DIAPH3: variants seen among roughly 807,000 people sequenced by gnomAD.
DIAPH3 encodes the protein diaphanous related formin 3, also known as protein diaphanous homolog 3.
In DIAPH3, 117 loss-of-function variants were observed where a neutral mutation model predicts 144.3. The observed-to-expected ratio is 0.81, with a 90% CI of 0.70 to 0.95. DIAPH3 has a LOEUF of 0.95. DIAPH3 is among the 40% of genes least tolerant of loss of function. The probability of loss-of-function intolerance (pLI) is 0.00; values close to 1 mark genes in which losing one functional copy is unlikely to be tolerated. For synonymous variants in DIAPH3, 519 were observed against 488.9 expected, an observed-to-expected ratio of 1.06 and a Z score of -0.81; for missense variants, 1,421 against 1,412.7, an observed-to-expected ratio of 1.01 and a Z score of -0.09.
chr13:59,861,037 G>C (rs1566428141), intron 22 of DIAPH3, among the ~76,000 whole-genome samples: 1 of 152,118 alleles, frequency 6.6e-6, no homozygotes. Context: ...CTGATTGCTG[G>C]TTCTGGTATC....
intron 5 of DIAPH3, 123 bp from the exon 6 acceptor site, chr13:60,016,268 A>G (rs9570246): frequency 1.2e-6 from 1 of 866,914 alleles, no homozygotes; most frequent in South Asian, 1.6e-5. Flanking sequence ...TAAGAATAAC[A>G]CCATATATAA....
intron 5 of DIAPH3, among the ~76,000 whole-genome samples, chr13:60,035,320 A>T (rs79107167): frequency 0.037 from 5,576 of 152,232 alleles, 133 homozygotes; most frequent in East Asian, 0.074. Context: ...TATTTATACA[A>T]CATTTTGCTA....
At chr13:60,080,151 AG>A (rs1405981226) in intron 4 of DIAPH3, among the ~76,000 whole-genome samples, 2 of 151,962 alleles carry the variant, frequency 1.3e-5, no homozygotes, top group Admixed American at 6.6e-5. Context: ...TTTACCATCT[AG>A]AAAAAATATA....
intron 21 of DIAPH3, among the ~76,000 whole-genome samples, chr13:59,878,787 G>T (rs887587320): frequency 2.0e-5 from 3 of 151,868 alleles, no homozygotes; most frequent in Admixed American, 1.3e-4. Flanking sequence ...TATATAAAGG[G>T]GTCCCATTTT....
At chr13:59,709,140 T>C (rs896665753) in intron 27 of DIAPH3, among the ~76,000 whole-genome samples, 2 of 152,226 alleles carry the variant, frequency 1.3e-5, no homozygotes, top group African/African-American at 4.8e-5. Context: ...TTGTATTCTT[T>C]CAGATGAATA....
intron 25 of DIAPH3, among the ~76,000 whole-genome samples, chr13:59,806,251 G>A (rs2040185857): frequency 1.3e-5 from 2 of 151,926 alleles, no homozygotes; most frequent in Non-Finnish European, 2.9e-5. Context: ...TTCTTTTAAG[G>A]CTGAGAAAGT....
intron 22 of DIAPH3, among the ~76,000 whole-genome samples, chr13:59,854,769 T>C (rs1036965319): frequency 3.3e-5 from 5 of 152,218 alleles, no homozygotes; most frequent in African/African-American, 1.2e-4. Flanking sequence ...CTGACAGAAC[T>C]GCTCAAGTAG....
At chr13:59,691,527 C>A (rs2033522386) in intron 27 of DIAPH3, among the ~76,000 whole-genome samples, 1 of 152,066 alleles carries the variant, frequency 6.6e-6, no homozygotes, top group Non-Finnish European at 1.5e-5. Context: ...TTTATATCAG[C>A]AAAATTATAA....
chr13:59,875,999 A>T (rs1263619846), intron 21 of DIAPH3, among the ~76,000 whole-genome samples: 1 of 152,176 alleles, frequency 6.6e-6, no homozygotes. Flanking sequence ...AATTTTCATG[A>T]ATTTTTCATA....
At chr13:60,081,114 G>C (rs1406466124) in intron 4 of DIAPH3, among the ~76,000 whole-genome samples, 1 of 151,814 alleles carries the variant, frequency 6.6e-6, no homozygotes, top group Non-Finnish European at 1.5e-5. Context: ...CTAATTTATA[G>C]ACATATACAA....
chr13:59,786,770 G>A (rs1027755140), intron 25 of DIAPH3, among the ~76,000 whole-genome samples: 1 of 152,164 alleles, frequency 6.6e-6, no homozygotes, highest in African/African-American at 2.4e-5. Context: ...TTTAGGGAGA[G>A]GGGGTAGAGA....
At chr13:60,118,144 C>A (rs76493540) in intron 2 of DIAPH3, among the ~76,000 whole-genome samples, 4,966 of 152,090 alleles carry the variant, frequency 0.033, 285 homozygotes, top group African/African-American at 0.11. Context: ...GCTAAATGAG[C>A]ACCCTACTGA....
intron 27 of DIAPH3, among the ~76,000 whole-genome samples, chr13:59,708,141 T>C (rs576085297): frequency 2.0e-5 from 3 of 152,074 alleles, no homozygotes; most frequent in South Asian, 2.1e-4. Context: ...TAGCTCACTG[T>C]AGTCTTGAAC....
At chr13:60,061,497 G>A (rs995585396) in intron 4 of DIAPH3, among the ~76,000 whole-genome samples, 2 of 151,420 alleles carry the variant, frequency 1.3e-5, no homozygotes, top group Non-Finnish European at 2.9e-5. Context: ...CGTTCAGGTG[G>A]ACATGAATAA....
At chr13:59,783,204 T>A (rs1309622915) in intron 25 of DIAPH3, among the ~76,000 whole-genome samples, 1 of 151,828 alleles carries the variant, frequency 6.6e-6, no homozygotes, top group Non-Finnish European at 1.5e-5. Flanking sequence ...ACAGAAGTGG[T>A]GAAAATAGAA....
intron 4 of DIAPH3, among the ~76,000 whole-genome samples, chr13:60,048,467 C>G (rs1296220781): frequency 6.6e-6 from 1 of 152,200 alleles, no homozygotes; most frequent in African/African-American, 2.4e-5. Flanking sequence ...CACCTGTCAG[C>G]AGAGGAATTC....
intron 20 of DIAPH3, among the ~76,000 whole-genome samples, chr13:59,905,681 G>A (rs2046696834): frequency 6.6e-6 from 1 of 152,042 alleles, no homozygotes; most frequent in Non-Finnish European, 1.5e-5. Context: ...AGATTATCTT[G>A]GATTATCTGG....
intron 2 of DIAPH3, among the ~76,000 whole-genome samples, chr13:60,115,468 A>C (rs2058679299): frequency 6.6e-6 from 1 of 152,206 alleles, no homozygotes; most frequent in African/African-American, 2.4e-5. Context: ...TTTTAAGTAG[A>C]TACTCAACAC....
At chr13:59,782,907 A>G (rs1447510324) in intron 25 of DIAPH3, among the ~76,000 whole-genome samples, 2 of 152,168 alleles carry the variant, frequency 1.3e-5, no homozygotes. Context: ...TGCAGTGGAT[A>G]TGAGTAGGAA....
Sources: allele counts gnomAD v4.1 joint callset (sites outside exome capture counted in the v4.1 genomes callset), GRCh38; gene constraint gnomAD v4.1.1; transcripts MANE v1.5; gene names NCBI Gene and HGNC (gene_info 2026-07-23, HGNC 2026-07-21).